DNMBP: variants seen among roughly 807,000 people sequenced by gnomAD.
DNMBP encodes dynamin binding protein.
A neutral mutation model predicts 150.0 loss-of-function variants in DNMBP; 87 were observed. That is an observed-to-expected ratio of 0.58 (90% confidence interval 0.49 to 0.69). The LOEUF (loss-of-function observed/expected upper bound fraction) is 0.69, where lower values mean the gene tolerates loss of function less well. DNMBP is among the 30% of genes least tolerant of loss of function. DNMBP has a pLI of 0.00. For synonymous variants in DNMBP, 711 were observed against 750.4 expected (o/e 0.95, Z 0.86); for missense variants, 1,774 against 1,949.0 (o/e 0.91, Z 1.69).
At chr10:99,914,844 C>T (rs112153460) in intron 4 of DNMBP, among the ~76,000 whole-genome samples, 9,476 of 151,902 alleles carry the variant, frequency 0.062, 342 homozygotes, top group Middle Eastern at 0.19. Flanking sequence ...GTAATCCCAG[C>T]ACCCTGGGAG....
At chr10:99,989,748 G>A (rs922399391) in intron 1 of DNMBP, among the ~76,000 whole-genome samples, 2 of 152,060 alleles carry the variant, frequency 1.3e-5, no homozygotes, top group African/African-American at 2.4e-5. Context: ...CCAAATGGAA[G>A]ACTATAGGAT....
chr10:99,880,520 T>C (rs897992946), intron 15 of DNMBP, among the ~76,000 whole-genome samples, 159 bp from the exon 16 acceptor site: 7 of 151,942 alleles, frequency 4.6e-5, no homozygotes, highest in Admixed American at 4.6e-4. Context: ...AGACACAAAA[T>C]AAAATGCCTA....
intron 11 of DNMBP, among the ~76,000 whole-genome samples, chr10:99,889,669 G>A (rs1590213583): frequency 6.6e-6 from 1 of 152,106 alleles, no homozygotes; most frequent in Non-Finnish European, 1.5e-5. Flanking sequence ...TGGCCAGCAT[G>A]GTGAGACCCC....
intron 2 of DNMBP, 126 bp from the exon 3 acceptor site, chr10:99,969,363 A>G (rs1185828479): frequency 1.9e-5 from 17 of 881,682 alleles, no homozygotes; most frequent in Non-Finnish European, 2.9e-5. Flanking sequence ...GGGAATACTC[A>G]TAATTGGAGA....
chr10:99,960,132 G>A (rs545270251), intron 3 of DNMBP, among the ~76,000 whole-genome samples: 53 of 152,208 alleles, frequency 3.5e-4, no homozygotes, highest in Admixed American at 6.5e-4. Flanking sequence ...AAGGATAAGA[G>A]CACAGTATAT....
At chr10:99,971,112 G>T (rs980632055) in intron 2 of DNMBP, among the ~76,000 whole-genome samples, 2 of 151,550 alleles carry the variant, frequency 1.3e-5, no homozygotes, top group Non-Finnish European at 2.9e-5. Context: ...GCGGGTGAAA[G>T]ACAAAGACTT....
chr10:99,976,526 T>G lies in DNMBP; in HGVS notation c.-10-4392A>C, dbSNP rs1319376496. Among the ~76,000 whole-genome samples, 14 of 152,348 alleles carry G rather than the reference T, an allele frequency of 9.2e-5. No homozygotes were observed. In the East Asian group the frequency reaches 2.7e-3, roughly 29 times the overall value. ...CACGCCCTTGCTATATTGCTGTTTA[T>G]GATCTGCTATGGAGGGGAGACCACA... On this transcript the variant is annotated intron_variant, in intron 1 of 16. Coordinates refer to ENST00000324109, the MANE Select transcript of DNMBP (RefSeq NM_015221.4).
At chr10:99,989,242 T>A (rs1358909304) in intron 1 of DNMBP, among the ~76,000 whole-genome samples, 7 of 152,274 alleles carry the variant, frequency 4.6e-5, no homozygotes, top group Admixed American at 3.9e-4. Flanking sequence ...AGAGTATGTT[T>A]CCCTGTCACA....
chr10:100,004,065 C>T (rs886974501), intron 1 of DNMBP, among the ~76,000 whole-genome samples: 1 of 138,352 alleles, frequency 7.2e-6, no homozygotes, highest in Non-Finnish European at 1.5e-5. Flanking sequence ...GTCCCTATCT[C>T]TAAAAAAATT....
intron 4 of DNMBP, chr10:99,929,511 G>C: frequency 1.7e-6 from 1 of 597,198 alleles, no homozygotes; most frequent in South Asian, 2.1e-5. Flanking sequence ...TTCAGGGCCC[G>C]GGCTCCTTAA....
chr10:99,944,911 C>A (rs1048986368), intron 4 of DNMBP, among the ~76,000 whole-genome samples: 2 of 151,964 alleles, frequency 1.3e-5, no homozygotes, highest in Non-Finnish European at 2.9e-5. Context: ...AAAAAAAAAT[C>A]TTTAAAATAG....
At chr10:99,896,606 G>A (rs554029801) in intron 9 of DNMBP, among the ~76,000 whole-genome samples, 1 of 152,324 alleles carries the variant, frequency 6.6e-6, no homozygotes, top group South Asian at 2.1e-4. Context: ...CCAGAGACAA[G>A]GAGGAAAACA....
At chr10:99,931,602 T>G (rs1054555183) in intron 4 of DNMBP, among the ~76,000 whole-genome samples, 1 of 152,178 alleles carries the variant, frequency 6.6e-6, no homozygotes, top group Non-Finnish European at 1.5e-5. Context: ...TTCTTAAACC[T>G]CTTTTCTAGT....
intron 4 of DNMBP, among the ~76,000 whole-genome samples, chr10:99,938,213 G>A (rs2040255216): frequency 6.6e-6 from 1 of 152,184 alleles, no homozygotes. Flanking sequence ...GAGATAAAAA[G>A]AGAGGACTAA....
chr10:99,998,826 T>C (rs975302702), intron 1 of DNMBP, among the ~76,000 whole-genome samples: 2 of 152,190 alleles, frequency 1.3e-5, no homozygotes, highest in Non-Finnish European at 2.9e-5. Context: ...AAAAGGTCTA[T>C]AAAACGGCAA....
intron 4 of DNMBP, chr10:99,929,894 T>C (rs1262723253): frequency 5.7e-6 from 4 of 702,866 alleles, no homozygotes; most frequent in Middle Eastern, 2.3e-4. Flanking sequence ...AATTCTCCAT[T>C]TGATGGAGAG....
chr10:99,904,512 A>G (rs1226296697), intron 6 of DNMBP, among the ~76,000 whole-genome samples: 4 of 151,988 alleles, frequency 2.6e-5, no homozygotes, highest in Non-Finnish European at 4.4e-5. Context: ...GCCTTCCCTC[A>G]TCGGATGTTT....
At chr10:99,949,195 A>T (rs371213410) in intron 4 of DNMBP, among the ~76,000 whole-genome samples, 1 of 152,086 alleles carries the variant, frequency 6.6e-6, no homozygotes, top group Non-Finnish European at 1.5e-5. Context: ...AGGCAATTCA[A>T]TTCAAATCAA....
At chr10:99,879,101 A>AAAAAAAAAAAACAAAAAAAAAAAAAAC (rs1554857510) in intron 16 of DNMBP, among the ~76,000 whole-genome samples, 1 of 135,084 alleles carries the variant, frequency 7.4e-6, no homozygotes, top group Non-Finnish European at 1.5e-5. Context: ...AAAAAAAAAA[A>AAAAAAAAAAAACAAAAAAAAAAAAAAC]CCCAAAACGT....
Sources: gnomAD v4.1 joint callset for allele counts (sites outside exome capture counted in the v4.1 genomes callset) on GRCh38, gnomAD v4.1.1 for gene constraint, MANE v1.5 for transcripts, NCBI Gene and HGNC (gene_info 2026-07-23, HGNC 2026-07-21) for gene names.